The following UNK variants were observed in gnomAD, a reference collection of about 807,000 sequenced individuals.
The protein encoded by UNK is RING finger protein unkempt homolog.
UNK carries 32 observed loss-of-function variants against 97.6 expected under a neutral mutation model. The ratio of observed to expected loss-of-function variants is 0.33; its 90% CI spans 0.25 to 0.44. UNK has a LOEUF of 0.44. Among genes scored for constraint, UNK ranks in the 20% least tolerant of loss-of-function variants. The pLI, the probability that UNK is intolerant of heterozygous loss-of-function variation, is 1.00. For synonymous variants in UNK, 441 were observed against 461.2 expected (o/e 0.96, Z 0.56); for missense variants, 771 against 1,098.4 (o/e 0.70, Z 4.21).
chr17:75,804,790 G>A (rs1027126634), intron 1 of UNK, among the ~76,000 whole-genome samples: 15 of 151,972 alleles, frequency 9.9e-5, no homozygotes, highest in Non-Finnish European at 5.9e-5. Flanking sequence ...GCAGTGAGCC[G>A]AGATTGCGCC....
rs769968083 is a variant in UNK, at chr17:75,818,050, C to T, written c.1306-53C>T. On this transcript the variant is annotated intron_variant, in intron 9 of 15. Transcript: ENST00000589666. This position sits in a 1 kb window ranked among gnomAD's most constrained non-coding sequence, Gnocchi z 5.1. ...ACCTGCAGCCTCAGGGTCAGATGGA[C>T]TCAGGGACCCCCCAGCACCACATTC... 4.0e-5 allele frequency: 64 copies of T among 1,590,940 alleles called. No individual in the cohort carries two copies. Among genetic ancestry groups the T allele is most frequent in the Non-Finnish European group, 5.3e-5 (62 of 1,161,204 alleles).
At chr17:75,791,708 AT>A in intron 1 of UNK, 6 of 982,118 alleles carry the variant, frequency 6.1e-6, no homozygotes, top group Non-Finnish European at 7.3e-6. Context: ...TATTATCTAA[AT>A]TATTAAAGTC....
At chr17:75,810,057 C>A in intron 2 of UNK, 88 bp downstream of exon 2, 1 of 1,508,214 alleles carries the variant, frequency 6.6e-7, no homozygotes. Context: ...TTCTGGGAAG[C>A]CATCCAGAGG....
intron 1 of UNK, 24 bp downstream of exon 1, chr17:75,785,008 G>A (rs151212010): frequency 1.4e-5 from 14 of 981,204 alleles, no homozygotes; most frequent in Middle Eastern, 3.8e-4. Flanking sequence ...CCCCCCCCCC[G>A]CCGCGCGCGC....
At chr17:75,789,296 T>G (rs1237733616) in intron 1 of UNK, among the ~76,000 whole-genome samples, 1 of 152,144 alleles carries the variant, frequency 6.6e-6, no homozygotes, top group African/African-American at 2.4e-5. Context: ...AAAACGATAA[T>G]GTATATGTAT....
At chr17:75,803,038 G>A (rs552651945) in intron 1 of UNK, among the ~76,000 whole-genome samples, 14 of 71,804 alleles carry the variant, frequency 1.9e-4, no homozygotes, top group Non-Finnish European at 2.9e-4. Context: ...CAAGGTGGGC[G>A]GATCACGAGG....
chr17:75,823,619 C>T (rs2062090400), intron 15 of UNK, 97 bp downstream of exon 15: 1 of 1,420,740 alleles, frequency 7.0e-7, no homozygotes, highest in Admixed American at 2.8e-5. Flanking sequence ...GATGGCCACC[C>T]TCCTGAGAGC....
chr17:75,825,384 G>A lies in UNK; in HGVS notation c.*967G>A, dbSNP rs2062110047. ...GGAGGAGTGCGGACTGAGGACTGAG[G>A]ACCAAGGGGGCCCAGGCCCTGCCCT... On this transcript the variant is annotated 3_prime_UTR_variant, in exon 16 of 16. Coordinates refer to ENST00000589666, the MANE Select transcript of UNK (RefSeq NM_001080419.3). The surrounding 1 kb of genome is among the most constrained non-coding windows in gnomAD (Gnocchi z 4.4). 1 of 152,558 alleles carries A rather than the reference G, an allele frequency of 6.6e-6. No homozygotes were observed. Among genetic ancestry groups the A allele is most frequent in the African/African-American group, 2.4e-5 (1 of 41,456 alleles). 9.5% of individuals were successfully genotyped at this position (152,558 alleles called of 1,614,324 possible). A position where few individuals can be genotyped will look rare whatever the true frequency, so the allele number is the denominator to read the frequency against.
rs1191131500 is a variant in UNK at position 75,800,520 on chromosome 17, T to C, written c.105-9240T>C. ...TTGGGAGGCCGAGGCGGGCGGATCA[T>C]GAGGTCAGGAGATTGAGACCATCCT... is the stretch of plus-strand genomic sequence containing the variant. On this transcript the variant is annotated intron_variant, in intron 1 of 15. Coordinates refer to ENST00000589666, the MANE Select transcript of UNK (RefSeq NM_001080419.3). 3.3e-5 allele frequency among the ~76,000 whole-genome samples: 5 copies of C among 151,330 alleles called. No individual in the cohort carries two copies. In the South Asian group the frequency reaches 8.4e-4, roughly 25 times the overall value.
rs755938006 is a variant in UNK, at chr17:75,818,577, G to A, written c.1372-65G>A. 4 of 1,512,160 alleles carry A rather than the reference G, an allele frequency of 2.6e-6. No homozygotes were observed. Among genetic ancestry groups the A allele is most frequent in the Non-Finnish European group, 3.6e-6 (4 of 1,125,384 alleles). The allele number at this position is 1,512,160 out of a possible 1,614,324, so 93.7% of individuals were successfully genotyped here. ...TTCCCTTGCCCCCAGCCCCTCTCCA[G>A]CCTCTCGTCCTGGCCTCCGTATGCA... On this transcript the variant is annotated intron_variant, in intron 10 of 15. Coordinates refer to ENST00000589666, the MANE Select transcript of UNK (RefSeq NM_001080419.3). This position sits in a 1 kb window ranked among gnomAD's most constrained non-coding sequence, Gnocchi z 5.1.
chr17:75,819,644 G>C lies in UNK; in HGVS notation c.1547-40G>C. 1.9e-6 allele frequency: 3 copies of C among 1,595,564 alleles called. No individual in the cohort carries two copies. The South Asian group carries it at 3.3e-5, about 18-fold the overall frequency. ...TAGACGAGGTGGTCAGGGTCAGATAGTCCCTCGGGAGGTCACATCCCACTC... is the reference window on the plus strand; with the variant it reads ...TAGACGAGGTGGTCAGGGTCAGATACTCCCTCGGGAGGTCACATCCCACTC... On this transcript the variant is annotated intron_variant, in intron 11 of 15. Coordinates refer to ENST00000589666, the MANE Select transcript of UNK (RefSeq NM_001080419.3). The surrounding 1 kb of genome is among the most constrained non-coding windows in gnomAD (Gnocchi z 5.4).
chr17:75,804,590 C>G lies in UNK; in HGVS notation c.105-5170C>G, dbSNP rs188032510. Among the ~76,000 whole-genome samples the G allele has an allele frequency of 1.9e-3, 288 of 152,258 alleles. 1 individual carries two copies. Among genetic ancestry groups the G allele is most frequent in the Non-Finnish European group, 3.1e-3 (208 of 68,008 alleles). ...TGGTGGCTCATGCCTGTAATCCCAGCACATTGGGAGGTTGAGGCGGGCGGA... is the reference window on the plus strand; with the variant it reads ...TGGTGGCTCATGCCTGTAATCCCAGGACATTGGGAGGTTGAGGCGGGCGGA... On this transcript the variant is annotated intron_variant, in intron 1 of 15. Transcript: ENST00000589666.
At chr17:75,804,413 C>G (rs777678047) in intron 1 of UNK, among the ~76,000 whole-genome samples, 1 of 152,012 alleles carries the variant, frequency 6.6e-6, no homozygotes, top group African/African-American at 2.4e-5. Context: ...TGAGATCACG[C>G]TGCTGCACTC....
intron 1 of UNK, chr17:75,809,116 G>C (rs1244830411): frequency 1.2e-5 from 1 of 82,800 alleles, no homozygotes; most frequent in Non-Finnish European, 2.4e-5. Flanking sequence ...GGGGGGGCGG[G>C]TATCTTCAGA....
At position 75,812,524 on chromosome 17, in the gene UNK, G is replaced by A. The variant is rs571032080; in HGVS notation, c.561G>A (p.Ser187=). ...TTVEGSIEGQ[S]AGAASHAMIE... Reference sequence around the variant, plus strand: ...TAGAGGGGAGCATAGAGGGCCAGTCGGCTGGGGCTGCGAGCCATGCCATGA... The same window carrying A: ...TAGAGGGGAGCATAGAGGGCCAGTCAGCTGGGGCTGCGAGCCATGCCATGA... Residue 187 remains serine, a synonymous_variant, in exon 4 of 16, where the codon TCG becomes TCA. Coordinates refer to ENST00000589666, the MANE Select transcript of UNK (RefSeq NM_001080419.3). The A allele has an allele frequency of 1.9e-4, 305 of 1,612,882 alleles. 2 individuals carry two copies. The East Asian group carries it at 5.5e-3, about 29-fold the overall frequency.
rs56221993 is a variant in UNK at position 75,802,242 on chromosome 17, C to CTTTTTTTTTTTTT, written c.105-7496_105-7484dup. 1.1e-4 allele frequency among the ~76,000 whole-genome samples: 5 copies of CTTTTTTTTTTTTT among 47,260 alleles called. 2 individuals carry two copies. The highest frequency in any genetic ancestry group is 4.5e-4 in the African/African-American group (5 of 11,074). 31.0% of individuals were successfully genotyped at this position (47,260 alleles called of 152,430 possible). On this transcript the variant is annotated intron_variant, in intron 1 of 15. Coordinates refer to ENST00000589666, the MANE Select transcript of UNK (RefSeq NM_001080419.3). ...TGATGGATTTTTTCAGCACAGATGT[C>CTTTTTTTTTTTTT]TTTTTTTTTTTTTTTTTTTTTTTTT...
chr17:75,806,115 A>G (rs1890788455), intron 1 of UNK, among the ~76,000 whole-genome samples: 1 of 151,702 alleles, frequency 6.6e-6, no homozygotes, highest in Non-Finnish European at 1.5e-5. Context: ...AAAAAAAAAA[A>G]AAAAGAAATC....
At chr17:75,789,823 G>T (rs767282986) in intron 1 of UNK, among the ~76,000 whole-genome samples, 7 of 152,032 alleles carry the variant, frequency 4.6e-5, no homozygotes, top group Non-Finnish European at 8.8e-5. Context: ...TTGGCTTTTT[G>T]CTGTATTAAC....
At chr17:75,821,075 CTCAG>C (rs1283483611) in intron 13 of UNK, among the ~76,000 whole-genome samples, 7 of 148,476 alleles carry the variant, frequency 4.7e-5, no homozygotes, top group African/African-American at 1.7e-4. Context: ...CGAGTAGGGT[CTCAG>C]TCTGTCACCC....
Sources: gnomAD v4.1 joint callset for allele counts (sites outside exome capture counted in the v4.1 genomes callset) on GRCh38, gnomAD v4.1.1 for gene constraint, Gnocchi (gnomAD v3.1) non-coding constraint, MANE v1.5 for transcripts, NCBI Gene and HGNC (gene_info 2026-07-23, HGNC 2026-07-21) for gene names.